COMMD4: variants seen among roughly 807,000 people sequenced by gnomAD.
COMMD4 encodes the protein COMM domain containing 4, also known as COMM domain-containing protein 4.
Under a neutral mutation model 27.5 loss-of-function variants are expected in COMMD4, and 18 were observed. The observed-to-expected ratio is 0.65, with a 90% CI of 0.45 to 0.97. The LOEUF (loss-of-function observed/expected upper bound fraction) is 0.97, where lower values mean the gene tolerates loss of function less well. Ranked by LOEUF, COMMD4 falls within the 50% of genes least tolerant of loss-of-function variation. The probability of loss-of-function intolerance (pLI) is 0.00; values close to 1 mark genes in which losing one functional copy is unlikely to be tolerated. For synonymous variants in COMMD4, 108 were observed against 108.4 expected (o/e 1.00, Z 0.02); for missense variants, 243 against 250.0 (o/e 0.97, Z 0.19).
chr15:75,340,412 G>A (rs1409642845), downstream of COMMD4: 1 of 183,272 alleles, frequency 5.5e-6, no homozygotes. Flanking sequence ...AAGGCCAACT[G>A]AGGACCAAAA....
intron 4 of COMMD4, 95 bp downstream of exon 4, chr15:75,338,780 C>T: frequency 6.9e-7 from 1 of 1,445,646 alleles, no homozygotes; most frequent in Non-Finnish European, 9.6e-7. Flanking sequence ...CCAGCAGCAT[C>T]CTTAACTTAC....
Position 75,339,902 on chromosome 15 carries a change from G to A in COMMD4, c.559+24G>A, listed in dbSNP as rs79543560. ...AGGTGAGGCTCAGCTATTCCTCGAC[G>A]GGTGAGAGGCTCTCCCAGATCCGCC... On this transcript the variant is annotated intron_variant, in intron 7 of 7. Coordinates refer to ENST00000267935, the MANE Select transcript of COMMD4 (RefSeq NM_017828.5). 5,609 of 1,613,744 alleles carry A rather than the reference G, an allele frequency of 3.5e-3. 163 individuals are homozygous for A. In the African/African-American group the frequency reaches 0.063, roughly 18 times the overall value.
rs1461466228 is a variant in COMMD4 at position 75,337,932 on chromosome 15, A to G, written c.4-130A>G. ...AACAGCCTGGTGATAGGGGAGAACA[A>G]GAGGCCAGAGGGTATCCATCTATGT... On this transcript the variant is annotated intron_variant, in intron 1 of 7. Transcript: ENST00000267935. 219 of 900,962 alleles carry G rather than the reference A, an allele frequency of 2.4e-4. No homozygotes were observed. In the East Asian group the frequency reaches 5.2e-3, roughly 22 times the overall value. 55.8% of individuals were successfully genotyped at this position (900,962 alleles called of 1,614,324 possible). A position where few individuals can be genotyped will look rare whatever the true frequency, so the allele number is the denominator to read the frequency against.
At chr15:75,341,979 A>G (rs911568057), downstream of COMMD4, 2 of 147,866 alleles carry the variant, frequency 1.4e-5, no homozygotes, top group African/African-American at 5.0e-5. Flanking sequence ...CAGGAGGATC[A>G]ATCGCTTGAG....
Position 75,339,408 on chromosome 15 carries a change from A to G in COMMD4, c.382+64A>G, listed in dbSNP as rs570776788. On this transcript the variant is annotated intron_variant, in intron 6 of 7. Transcript: ENST00000267935. ...AAGGTGCACGCAGCACACAAAGTGC[A>G]TGGAGAGTCCAGGGAGACGACTTAA... 131 of 1,579,116 alleles carry G rather than the reference A, an allele frequency of 8.3e-5. 1 individual carries two copies. In the South Asian group the frequency reaches 9.2e-4, roughly 11 times the overall value.
Position 75,338,976 on chromosome 15 carries a change from G to A in COMMD4, c.182-9G>A, listed in dbSNP as rs767322876. On this transcript the variant is annotated splice_polypyrimidine_tract_variant and intron_variant, in intron 4 of 7. Transcript: ENST00000267935. ...GTGACACCCCCTGCCCCACCCACGG[G>A]TCCCTCAGAGTCAGGCGATGTGAAG... 1 of 1,613,822 alleles carries A rather than the reference G, an allele frequency of 6.2e-7. No homozygotes were observed. The highest frequency in any genetic ancestry group is 1.3e-5 in the African/African-American group (1 of 74,928).
At chr15:75,337,988 TG>T in intron 1 of COMMD4, 73 bp from the exon 2 acceptor site, 1 of 1,452,856 alleles carries the variant, frequency 6.9e-7, no homozygotes, top group South Asian at 1.2e-5. Context: ...TGGGCAGCAG[TG>T]TGGGAGACAC....
chr15:75,342,754 C>G (rs2071438165), downstream of COMMD4: 1 of 152,120 alleles, frequency 6.6e-6, no homozygotes, highest in East Asian at 1.9e-4. Flanking sequence ...TTTAAATGTT[C>G]TCATCACAAA....
rs377076813 is a variant in COMMD4, at chr15:75,339,983, C to G, written c.578C>G (p.Thr193Ser). ...TCTGCAGAACTGAAGCAGGCCCAGA[C>G]CCTGATGAGCTCCCTGGGCTGAGGA... ...VLLAELKQAQ[T>S]LMSSLG Residue 193 changes from threonine (T) to serine (S), a missense_variant, in exon 8 of 8, where the codon ACC becomes AGC. Coordinates refer to ENST00000267935, the MANE Select transcript of COMMD4 (RefSeq NM_017828.5). 6.8e-6 allele frequency: 11 copies of G among 1,614,016 alleles called. No homozygotes were observed. In the African/African-American group the frequency reaches 1.5e-4, roughly 22 times the overall value.
chr15:75,337,820 A>G lies in COMMD4; in HGVS notation c.4-242A>G, dbSNP rs1238709619. Reference sequence around the variant, plus strand: ...GGGAGCTAGCACAGAGAAGGTGCTTAATTGATGTTTGCTGAGCAGATGAAT... The same window carrying G: ...GGGAGCTAGCACAGAGAAGGTGCTTGATTGATGTTTGCTGAGCAGATGAAT... On this transcript the variant is annotated intron_variant, in intron 1 of 7. Transcript: ENST00000267935. 3.9e-4 allele frequency: 223 copies of G among 568,324 alleles called. No individual in the cohort carries two copies. In the East Asian group the frequency reaches 5.9e-3, roughly 15 times the overall value. 35.2% of individuals were successfully genotyped at this position (568,324 alleles called of 1,614,324 possible).
intron 1 of COMMD4, 60 bp from the exon 2 acceptor site, chr15:75,338,002 G>A (rs149318132): frequency 2.4e-5 from 37 of 1,524,998 alleles, no homozygotes; most frequent in Non-Finnish European, 2.6e-5. Context: ...GGAGACACAC[G>A]GATCCTGGCC....
At chr15:75,339,554 C>T (rs1000302644) in intron 6 of COMMD4, 148 bp from the exon 7 acceptor site, 31 of 1,139,066 alleles carry the variant, frequency 2.7e-5, no homozygotes, top group Middle Eastern at 2.7e-4. Context: ...TTATCGGGCA[C>T]CTGCCCTGTT....
At chr15:75,336,455 C>A in intron 1 of COMMD4, 1 of 559,320 alleles carries the variant, frequency 1.8e-6, no homozygotes. Context: ...CCCAGCCCTG[C>A]CGTGGGGCTT....
chr15:75,341,909 A>T (rs1014349212), downstream of COMMD4: 8 of 151,770 alleles, frequency 5.3e-5, no homozygotes, highest in African/African-American at 1.9e-4. Context: ...CCAAAAAAAT[A>T]AAAAATTAGC....
Position 75,338,390 on chromosome 15 carries a change from A to G in COMMD4, c.111A>G (p.Val37=). The change falls in exon 3 of 8, where the codon GTA becomes GTG. Residue 37 remains valine (V), a synonymous_variant. Transcript: ENST00000267935. ...SVKLRLLCSQ[V]LKELLGQGID... ...AGTTGCGGCTGCTCTGCAGCCAGGT[A>G]CTAAAGGAGCTGCTGGGACAGGGGA... The G allele has an allele frequency of 6.3e-7, 1 of 1,598,804 alleles. No homozygotes were observed. Among genetic ancestry groups the G allele is most frequent in the Non-Finnish European group, 8.5e-7 (1 of 1,173,224 alleles).
chr15:75,339,007 A>T lies in COMMD4; in HGVS notation c.204A>T (p.Thr68=), dbSNP rs1030933430. The T allele has an allele frequency of 1.8e-5, 29 of 1,613,842 alleles. No individual in the cohort carries two copies. The highest frequency in any genetic ancestry group is 2.3e-5 in the Non-Finnish European group (27 of 1,179,880). Residue 68 remains threonine, a synonymous_variant, in exon 5 of 8, where the codon ACA becomes ACT. Transcript: ENST00000267935. ...AKFESGDVKA[T]VAVLSFILSS... ...CAGAGTCAGGCGATGTGAAGGCCAC[A>T]GTGGCAGTGCTGAGTTTCATCCTCT...
downstream of COMMD4, chr15:75,343,109 CG>C (rs2071440483): frequency 6.6e-6 from 1 of 152,162 alleles, no homozygotes; most frequent in Non-Finnish European, 1.5e-5. Context: ...CATGAGCCAC[CG>C]TGCCCAGCCG....
At chr15:75,337,974 C>T (rs2071273269) in intron 1 of COMMD4, 88 bp from the exon 2 acceptor site, 7 of 1,361,466 alleles carry the variant, frequency 5.1e-6, no homozygotes, top group Non-Finnish European at 7.1e-6. Flanking sequence ...CCAGGGGTCC[C>T]TGGTGGGCAG....
chr15:75,338,777 C>T (rs565750655), intron 4 of COMMD4, 92 bp downstream of exon 4: 41 of 1,467,412 alleles, frequency 2.8e-5, no homozygotes, highest in Non-Finnish European at 3.7e-5. Flanking sequence ...CTCCCAGCAG[C>T]ATCCTTAACT....
Sources: allele counts gnomAD v4.1 joint callset, GRCh38; gene constraint gnomAD v4.1.1; transcripts MANE v1.5; gene names NCBI Gene and HGNC (gene_info 2026-07-23, HGNC 2026-07-21).